Variants in RGS7 observed in about 807,000 individuals in gnomAD.
The protein encoded by RGS7 is regulator of G protein signaling 7, also known as regulator of G-protein signaling 7.
Under a neutral mutation model 81.1 loss-of-function variants are expected in RGS7, and 27 were observed. The observed-to-expected ratio is 0.33, with a 90% CI of 0.25 to 0.46. RGS7 has a LOEUF of 0.46. Among genes scored for constraint, RGS7 ranks in the 20% least tolerant of loss-of-function variants. RGS7 has a pLI of 1.00. For synonymous variants in RGS7, 208 were observed against 207.7 expected, an observed-to-expected ratio of 1.00 and a Z score of -0.01; for missense variants, 396 against 607.4, an observed-to-expected ratio of 0.65 and a Z score of 3.66.
At chr1:241,270,124 A>T (rs1216651827) in intron 2 of RGS7, among the ~76,000 whole-genome samples, 1 of 152,100 alleles carries the variant, frequency 6.6e-6, no homozygotes, top group Non-Finnish European at 1.5e-5. Context: ...CCTCTGAAAG[A>T]CCTGGTGCCA....
At chr1:241,201,771 G>C (rs2073518221) in intron 2 of RGS7, among the ~76,000 whole-genome samples, 1 of 151,988 alleles carries the variant, frequency 6.6e-6, no homozygotes, top group South Asian at 2.1e-4. Flanking sequence ...TGAGAAACTT[G>C]GTCTAATTAA....
chr1:241,017,077 C>T (rs773382385), intron 3 of RGS7, among the ~76,000 whole-genome samples: 1 of 152,150 alleles, frequency 6.6e-6, no homozygotes, highest in Non-Finnish European at 1.5e-5. Flanking sequence ...ACTCTGTACT[C>T]GTTTATTACA....
At chr1:240,867,037 C>T (rs899181178) in intron 9 of RGS7, among the ~76,000 whole-genome samples, 1 of 152,186 alleles carries the variant, frequency 6.6e-6, no homozygotes, top group African/African-American at 2.4e-5. Flanking sequence ...AAAAATCCTA[C>T]TTAATGTCCT....
At chr1:241,177,655 G>A (rs2071260070) in intron 2 of RGS7, among the ~76,000 whole-genome samples, 1 of 152,184 alleles carries the variant, frequency 6.6e-6, no homozygotes, top group Admixed American at 6.5e-5. Flanking sequence ...AGAAGTTTAG[G>A]TGAAAAAGCC....
At chr1:241,008,701 C>A (rs569600177) in intron 3 of RGS7, among the ~76,000 whole-genome samples, 1 of 152,042 alleles carries the variant, frequency 6.6e-6, no homozygotes, top group South Asian at 2.1e-4. Context: ...TCACTTGAGG[C>A]CAGGAGGTCG....
chr1:240,947,195 G>A (rs1415759556), intron 4 of RGS7, among the ~76,000 whole-genome samples: 6 of 152,114 alleles, frequency 3.9e-5, no homozygotes, highest in Admixed American at 6.5e-5. Context: ...CCCTGGCCCC[G>A]TTGCATCTTA....
intron 2 of RGS7, among the ~76,000 whole-genome samples, chr1:241,216,164 T>A (rs1250109493): frequency 6.6e-6 from 1 of 151,954 alleles, no homozygotes; most frequent in East Asian, 1.9e-4. Flanking sequence ...CCCAGCTACC[T>A]GGGAGGCTGA....
chr1:240,828,344 CAG>C (rs1693236271), intron 9 of RGS7, among the ~76,000 whole-genome samples: 1 of 152,142 alleles, frequency 6.6e-6, no homozygotes, highest in Admixed American at 6.5e-5. Context: ...AATCACGAAA[CAG>C]AGAAGACAGG....
intron 2 of RGS7, among the ~76,000 whole-genome samples, chr1:241,239,449 C>T (rs975090583): frequency 6.6e-6 from 1 of 152,068 alleles, no homozygotes; most frequent in Non-Finnish European, 1.5e-5. Flanking sequence ...TCATCATGTC[C>T]CCCCTTCACT....
chr1:240,898,217 T>A (rs1669412655), intron 6 of RGS7, among the ~76,000 whole-genome samples: 2 of 152,168 alleles, frequency 1.3e-5, no homozygotes, highest in Non-Finnish European at 2.9e-5. Flanking sequence ...ATTTTGTTGA[T>A]CTTTTCAAAA....
chr1:241,247,951 T>A (rs1207643279), intron 2 of RGS7, among the ~76,000 whole-genome samples: 1 of 152,202 alleles, frequency 6.6e-6, no homozygotes, highest in African/African-American at 2.4e-5. Context: ...AGCTGATGGA[T>A]AGTGTTTCTT....
At chr1:240,909,930 G>A (rs1186214910) in intron 6 of RGS7, among the ~76,000 whole-genome samples, 1 of 152,112 alleles carries the variant, frequency 6.6e-6, no homozygotes, top group African/African-American at 2.4e-5. Flanking sequence ...AGCCACCTGG[G>A]TTTAGTTCGG....
At chr1:241,258,462 C>T (rs1034577163) in intron 2 of RGS7, among the ~76,000 whole-genome samples, 1 of 152,094 alleles carries the variant, frequency 6.6e-6, no homozygotes, top group East Asian at 1.9e-4. Flanking sequence ...GCAATTAATT[C>T]GGTTACATAT....
At chr1:240,988,001 C>T (rs1027729380) in intron 3 of RGS7, among the ~76,000 whole-genome samples, 21 of 152,194 alleles carry the variant, frequency 1.4e-4, no homozygotes, top group African/African-American at 5.1e-4. Flanking sequence ...AGGATCTGCA[C>T]TTTAAGGAAC....
chr1:241,319,447 G>A (rs761721456), intron 2 of RGS7, among the ~76,000 whole-genome samples: 1 of 152,126 alleles, frequency 6.6e-6, no homozygotes, highest in Non-Finnish European at 1.5e-5. Flanking sequence ...CCTTTAACTG[G>A]AGGGATTAAA....
Position 240,936,725 on chromosome 1 carries a change from C to A in RGS7, c.227-19G>T. On this transcript the variant is annotated intron_variant, in intron 4 of 18. Transcript: ENST00000440928. The stretch of plus-strand genomic sequence containing the variant: ...GCCTCCACTGTTTTATGAAAACAAA[C>A]AAAGAACATAAAAAAGCCTTTTAAA... 6.3e-7 allele frequency: 1 copy of A among 1,576,432 alleles called. No individual in the cohort carries two copies. The highest frequency in any genetic ancestry group is 8.7e-7 in the Non-Finnish European group (1 of 1,145,826).
chr1:241,272,206 G>A (rs1425867390), intron 2 of RGS7, among the ~76,000 whole-genome samples: 1 of 151,898 alleles, frequency 6.6e-6, no homozygotes, highest in Non-Finnish European at 1.5e-5. Flanking sequence ...TGTTAGCCAG[G>A]GTGGTCTTGA....
At chr1:240,822,901 G>A (rs1201445485) in intron 10 of RGS7, 4 of 381,980 alleles carry the variant, frequency 1.0e-5, no homozygotes, top group South Asian at 5.2e-5. Flanking sequence ...TAACCAAGAT[G>A]AGGCTGGATA....
chr1:241,166,366 AATAAG>A (rs2070239407), intron 2 of RGS7, among the ~76,000 whole-genome samples: 1 of 152,306 alleles, frequency 6.6e-6, no homozygotes, highest in South Asian at 2.1e-4. Flanking sequence ...AAGAGAATGT[AATAAG>A]ATAAGATTGA....
Sources: allele counts gnomAD v4.1 joint callset (sites outside exome capture counted in the v4.1 genomes callset), GRCh38; gene constraint gnomAD v4.1.1; transcripts MANE v1.5; gene names NCBI Gene and HGNC (gene_info 2026-07-23, HGNC 2026-07-21).